The following SHANK2 variants were observed in gnomAD, a reference collection of about 807,000 sequenced individuals.
SHANK2 encodes SH3 and multiple ankyrin repeat domains 2.
Under a neutral mutation model 133.7 loss-of-function variants are expected in SHANK2, and 43 were observed. That is an observed-to-expected ratio of 0.32 (90% CI 0.25 to 0.41). The LOEUF (loss-of-function observed/expected upper bound fraction) is 0.41, where lower values mean the gene tolerates loss of function less well. SHANK2 is among the 10% of genes least tolerant of loss of function. SHANK2 has a pLI of 1.00. For missense variants in SHANK2, 1,994 were observed against 2,235.8 expected (o/e 0.89, Z 2.18); for synonymous variants, 1,017 against 952.8 (o/e 1.07, Z -1.24).
rs1437182039 is a variant in SHANK2 at position 70,830,432 on chromosome 11, T to C, written c.1175-9750A>G. Among the ~76,000 whole-genome samples, 1 of 152,106 alleles carries C rather than the reference T, an allele frequency of 6.6e-6. No individual in the cohort carries two copies. Among genetic ancestry groups the C allele is most frequent in the East Asian group, 1.9e-4 (1 of 5,158 alleles). ...CTGAGCCCCAGGTAGATGGTTCGCA[T>C]TCTCCTGCCATCTGCACACAGGCCC... On this transcript the variant is annotated intron_variant, in intron 11 of 25. Coordinates refer to ENST00000601538, the MANE Select transcript of SHANK2 (RefSeq NM_012309.5). This position sits in a 1 kb window ranked among gnomAD's most constrained non-coding sequence, Gnocchi z 4.4.
At chr11:70,924,868 G>A (rs191629974) in intron 10 of SHANK2, among the ~76,000 whole-genome samples, 33 of 152,292 alleles carry the variant, frequency 2.2e-4, no homozygotes, top group Admixed American at 8.5e-4. Flanking sequence ...GAAAAGCTAC[G>A]CAGACAGCAC....
intron 14 of SHANK2, among the ~76,000 whole-genome samples, chr11:70,719,798 C>T (rs1164470040): frequency 6.6e-6 from 1 of 151,202 alleles, no homozygotes; most frequent in Non-Finnish European, 1.5e-5. Flanking sequence ...TCCTCTTGTC[C>T]CACTGCGCTG....
intron 1 of SHANK2, among the ~76,000 whole-genome samples, chr11:71,250,115 C>T (rs1485836379): frequency 7.7e-6 from 1 of 129,298 alleles, no homozygotes; most frequent in Non-Finnish European, 1.6e-5. Flanking sequence ...AGACCGCCCC[C>T]CTCCCCGGGG....
At chr11:71,103,310 A>G (rs868921769) in intron 6 of SHANK2, among the ~76,000 whole-genome samples, 1 of 152,208 alleles carries the variant, frequency 6.6e-6, no homozygotes. Context: ...TCACCAATAG[A>G]CTGCAGCTAT....
chr11:70,661,895 G>T (rs545967906), intron 15 of SHANK2: 2 of 1,309,446 alleles, frequency 1.5e-6, no homozygotes, highest in Non-Finnish European at 2.2e-6. Flanking sequence ...AATGAGACTT[G>T]CAGGGTGGGG....
chr11:70,872,988 G>A (rs1555070479), intron 11 of SHANK2: 1 of 471,154 alleles, frequency 2.1e-6, no homozygotes, highest in East Asian at 7.0e-5. Flanking sequence ...CATTACAAAA[G>A]CTAAAGACAT....
In SHANK2 at chr11:70,492,335, G is replaced by A. The variant is rs370602260; in HGVS notation, c.2439C>T (p.Asn813=). Residue 813 remains asparagine (N), a splice_region_variant and synonymous_variant, in exon 22 of 26, where the codon AAC becomes AAT. Coordinates refer to ENST00000601538, the MANE Select transcript of SHANK2 (RefSeq NM_012309.5). ...SRCFPAGSDM[N]SVYERQGIAV... The stretch of plus-strand genomic sequence containing the variant: ...GTGGTCCCAAGGTACGGCCACTCAC[G>A]TTCATGTCTGAGCCCGCCGGGAAGC... The A allele has an allele frequency of 3.0e-5, 49 of 1,610,658 alleles. No individual in the cohort carries two copies. Among genetic ancestry groups the A allele is most frequent in the African/African-American group, 5.3e-5 (4 of 74,938 alleles).
At chr11:70,756,976 C>G (rs485430) in intron 14 of SHANK2, among the ~76,000 whole-genome samples, 1 of 152,142 alleles carries the variant, frequency 6.6e-6, no homozygotes, top group Non-Finnish European at 1.5e-5. Context: ...CTTGCGCCCC[C>G]GTCTGCAAAA....
At chr11:70,618,099 C>A (rs1445094250) in intron 17 of SHANK2, among the ~76,000 whole-genome samples, 1 of 152,054 alleles carries the variant, frequency 6.6e-6, no homozygotes, top group East Asian at 1.9e-4. Flanking sequence ...GAGTTTGAGA[C>A]CAGCCTGGCA....
intron 17 of SHANK2, among the ~76,000 whole-genome samples, chr11:70,623,383 T>C (rs575390500): frequency 6.6e-6 from 1 of 152,180 alleles, no homozygotes; most frequent in African/African-American, 2.4e-5. Flanking sequence ...CACGCACCAT[T>C]TGCCCTTTTG....
intron 17 of SHANK2, among the ~76,000 whole-genome samples, chr11:70,593,054 G>A (rs1554988455): frequency 6.6e-6 from 1 of 152,144 alleles, no homozygotes; most frequent in African/African-American, 2.4e-5. Flanking sequence ...AACTTCCCAC[G>A]TCTGTCTGGC....
chr11:70,572,942 A>G (rs1285918395), intron 17 of SHANK2, among the ~76,000 whole-genome samples: 2 of 152,190 alleles, frequency 1.3e-5, no homozygotes, highest in Non-Finnish European at 2.9e-5. Context: ...AGTCTAGTGC[A>G]TGGACATTCA....
At chr11:71,239,631 T>C (rs1259226707) in intron 1 of SHANK2, among the ~76,000 whole-genome samples, 1 of 151,802 alleles carries the variant, frequency 6.6e-6, no homozygotes, top group Non-Finnish European at 1.5e-5. Context: ...CAGCTAATAC[T>C]TGTTTTTTGT....
chr11:70,853,809 A>ACC (rs1949127874), intron 11 of SHANK2, among the ~76,000 whole-genome samples: 1 of 151,440 alleles, frequency 6.6e-6, no homozygotes, highest in South Asian at 2.1e-4. Context: ...CTAGGAGAGG[A>ACC]CCCTCCCTGC....
At chr11:70,628,372 C>G (rs1340149399) in intron 17 of SHANK2, among the ~76,000 whole-genome samples, 1 of 152,150 alleles carries the variant, frequency 6.6e-6, no homozygotes, top group Non-Finnish European at 1.5e-5. Flanking sequence ...CTGATGGCAC[C>G]AAAGTCGGGG....
In SHANK2 at chr11:71,109,948, C is replaced by T. The variant is rs1555098790; in HGVS notation, c.585G>A (p.Glu195=). The T allele has an allele frequency of 1.9e-6, 3 of 1,550,688 alleles. No individual in the cohort carries two copies. The highest frequency in any genetic ancestry group is 2.6e-6 in the Non-Finnish European group (3 of 1,146,032). Residue 195 remains glutamate (E), a synonymous_variant, in exon 6 of 26, where the codon GAG becomes GAA. Coordinates refer to ENST00000601538, the MANE Select transcript of SHANK2 (RefSeq NM_012309.5). ...CCTCTAGCAAGTGCTCACCTCCGGT[C>T]TCCGGGTCGTGGAAATTGGGATCCA... The part of the protein sequence containing the change: ...RGLDPNFHDP[E]TGETPLTLAA...
chr11:70,593,512 C>T (rs1554988593), intron 17 of SHANK2, among the ~76,000 whole-genome samples: 1 of 152,176 alleles, frequency 6.6e-6, no homozygotes, highest in Non-Finnish European at 1.5e-5. Context: ...GGCATGGTGG[C>T]TACCTCGCCT....
rs368551880 is a variant in SHANK2 at position 70,593,837 on chromosome 11, G to GTTCATTCA, written c.2061+65983_2061+65990dup. Among the ~76,000 whole-genome samples, 9 of 152,156 alleles carry GTTCATTCA rather than the reference G, an allele frequency of 5.9e-5. No individual in the cohort carries two copies. The East Asian group carries it at 7.7e-4, about 13-fold the overall frequency. ...TTATCATTAGTTCCTTCGTTCGTTC[G>GTTCATTCA]TTCATTCATTCATTCATTCATTCAA... is the stretch of plus-strand genomic sequence containing the variant. On this transcript the variant is annotated intron_variant, in intron 17 of 25. Coordinates refer to ENST00000601538, the MANE Select transcript of SHANK2 (RefSeq NM_012309.5).
intron 2 of SHANK2, among the ~76,000 whole-genome samples, chr11:71,219,267 C>T (rs1954486221): frequency 6.6e-6 from 1 of 152,222 alleles, no homozygotes; most frequent in Non-Finnish European, 1.5e-5. Context: ...AACGATTCAA[C>T]TCTGCCACAC....
Sources: gnomAD v4.1 joint callset for allele counts (sites outside exome capture counted in the v4.1 genomes callset) on GRCh38, gnomAD v4.1.1 for gene constraint, Gnocchi (gnomAD v3.1) non-coding constraint, MANE v1.5 for transcripts, NCBI Gene and HGNC (gene_info 2026-07-23, HGNC 2026-07-21) for gene names.